Variants in EHMT1 observed in about 807,000 individuals in gnomAD.
EHMT1 encodes histone-lysine N-methyltransferase EHMT1.
In EHMT1, 15 loss-of-function variants were observed where a neutral mutation model predicts 147.2. That is an observed-to-expected ratio of 0.10 (90% confidence interval 0.07 to 0.16). EHMT1 has a LOEUF of 0.16. Among genes scored for constraint, EHMT1 ranks in the 10% least tolerant of loss-of-function variants. The pLI is 1.00. For missense variants in EHMT1, 1,587 were observed against 1,772.4 expected (o/e 0.90, Z 1.88); for synonymous variants, 795 against 709.6 (o/e 1.12, Z -1.91).
intron 14 of EHMT1, among the ~76,000 whole-genome samples, chr9:137,780,131 T>C (rs2136778908): frequency 7.2e-6 from 1 of 139,534 alleles, no homozygotes; most frequent in Non-Finnish European, 1.5e-5. Flanking sequence ...GTGATGACGC[T>C]GAGATGTGTG....
At chr9:137,657,452 C>T (rs1938583946) in intron 1 of EHMT1, among the ~76,000 whole-genome samples, 1 of 149,822 alleles carries the variant, frequency 6.7e-6, no homozygotes, top group South Asian at 2.1e-4. Context: ...GGAAGTCGGC[C>T]TCCCAGGGTG....
At chr9:137,736,908 T>C (rs1254024577) in intron 4 of EHMT1, among the ~76,000 whole-genome samples, 1 of 150,686 alleles carries the variant, frequency 6.6e-6, no homozygotes, top group East Asian at 1.9e-4. Flanking sequence ...AAGAAAAATA[T>C]ATACAGAGAT....
chr9:137,677,926 G>A (rs898402833), intron 1 of EHMT1, among the ~76,000 whole-genome samples: 1 of 149,964 alleles, frequency 6.7e-6, no homozygotes, highest in African/African-American at 2.5e-5. Context: ...AAAAAAAGCC[G>A]GGCGTGGCGG....
At chr9:137,799,188 G>C (rs890114122) in intron 17 of EHMT1, among the ~76,000 whole-genome samples, 1 of 152,154 alleles carries the variant, frequency 6.6e-6, no homozygotes, top group East Asian at 1.9e-4. Context: ...TCCACACACA[G>C]GGTTAGCTCA....
At chr9:137,677,922 A>G (rs1275160996) in intron 1 of EHMT1, among the ~76,000 whole-genome samples, 7 of 150,512 alleles carry the variant, frequency 4.7e-5, no homozygotes, top group African/African-American at 1.7e-4. Flanking sequence ...AAAAAAAAAA[A>G]GCCGGGCGTG....
chr9:137,748,369 G>A (rs981243742), intron 6 of EHMT1, among the ~76,000 whole-genome samples: 1 of 152,206 alleles, frequency 6.6e-6, no homozygotes, highest in African/African-American at 2.4e-5. Context: ...GACCATACAG[G>A]TTCCTCTGTA....
chr9:137,669,588 C>T (rs1940282527), intron 1 of EHMT1, among the ~76,000 whole-genome samples: 1 of 149,484 alleles, frequency 6.7e-6, no homozygotes, highest in Non-Finnish European at 1.5e-5. Context: ...CACTGTCTAC[C>T]CAGGGCGCAG....
Position 137,835,403 on chromosome 9 carries a change from C to T in EHMT1, c.*450C>T, listed in dbSNP as rs1588951509. ...GCGCGAGCTGCTCCGTTCGCCCTGC[C>T]CACGGCCTGCGTGGCTGGGGCCGAG... On this transcript the variant is annotated 3_prime_UTR_variant, in exon 27 of 27. Coordinates refer to ENST00000460843, the MANE Select transcript of EHMT1 (RefSeq NM_024757.5). The T allele has an allele frequency of 1.3e-5, 2 of 154,908 alleles. No individual in the cohort carries two copies. Among genetic ancestry groups the T allele is most frequent in the Non-Finnish European group, 2.9e-5 (2 of 69,854 alleles). The allele number at this position is 154,908 out of a possible 1,614,324, so 9.6% of individuals were successfully genotyped here.
intron 6 of EHMT1, among the ~76,000 whole-genome samples, chr9:137,745,146 G>GT (rs1268347198): frequency 6.6e-6 from 1 of 152,178 alleles, no homozygotes; most frequent in East Asian, 1.9e-4. Flanking sequence ...CATCCAAATA[G>GT]TGACTTACTG....
intron 6 of EHMT1, among the ~76,000 whole-genome samples, chr9:137,751,560 C>T (rs1182762715): frequency 6.6e-6 from 1 of 152,134 alleles, no homozygotes; most frequent in African/African-American, 2.4e-5. Flanking sequence ...TAGGGAGTGC[C>T]GGGCACAGGG....
At chr9:137,820,318 G>T (rs1219977735) in intron 25 of EHMT1, among the ~76,000 whole-genome samples, 2 of 152,218 alleles carry the variant, frequency 1.3e-5, no homozygotes, top group African/African-American at 2.4e-5. Context: ...GAGTTGTGAG[G>T]CTCCTCTGCT....
chr9:137,621,230 C>T (rs916708646), intron 1 of EHMT1, among the ~76,000 whole-genome samples: 8 of 152,120 alleles, frequency 5.3e-5, no homozygotes, highest in African/African-American at 9.7e-5. Flanking sequence ...GCAACTCTGG[C>T]CTTCTGGACA....
At chr9:137,757,332 C>A (rs1394293705) in intron 8 of EHMT1, among the ~76,000 whole-genome samples, 1 of 152,230 alleles carries the variant, frequency 6.6e-6, no homozygotes, top group East Asian at 1.9e-4. Context: ...CCCGTGTTTA[C>A]TGGAGTCGAC....
intron 18 of EHMT1, among the ~76,000 whole-genome samples, chr9:137,808,533 C>T (rs1422791876): frequency 6.6e-6 from 1 of 152,158 alleles, no homozygotes; most frequent in Non-Finnish European, 1.5e-5. Context: ...CCCATTGTTT[C>T]AGGAGTGCGG....
chr9:137,704,285 C>T (rs1465128750), intron 1 of EHMT1, among the ~76,000 whole-genome samples: 1 of 152,074 alleles, frequency 6.6e-6, no homozygotes. Context: ...AGCTCTGCAG[C>T]CTGTAGGGGA....
chr9:137,830,552 T>C (rs1480302764), intron 25 of EHMT1, among the ~76,000 whole-genome samples: 2 of 152,242 alleles, frequency 1.3e-5, no homozygotes, highest in African/African-American at 4.8e-5. Context: ...GTTTCTAAAA[T>C]CTTTAGTTTC....
Position 137,776,796 on chromosome 9 carries a change from A to G in EHMT1, c.1970A>G (p.Gln657Arg). 2 of 1,614,050 alleles carry G rather than the reference A, an allele frequency of 1.2e-6. No individual in the cohort carries two copies. Among genetic ancestry groups the G allele is most frequent in the Non-Finnish European group, 1.7e-6 (2 of 1,180,014 alleles). The change falls in exon 12 of 27, where the codon CAG (glutamine) becomes CGG (arginine). Residue 657 changes from glutamine to arginine, a missense_variant. Gln to Arg is a conservative substitution (Grantham distance 43, BLOSUM62 1). Coordinates refer to ENST00000460843, the MANE Select transcript of EHMT1 (RefSeq NM_024757.5). This position sits in a 1 kb window ranked among gnomAD's most constrained non-coding sequence, Gnocchi z 4.4. ...TCGACCGTGACACCAGTCCCCGGGC[A>G]GGAGAAGGGCTCGGCCCTGGAGGGC... ...TTSTVTPVPG[Q>R]EKGSALEGRA...
chr9:137,640,786 T>A (rs1844427594), intron 1 of EHMT1, among the ~76,000 whole-genome samples: 1 of 152,308 alleles, frequency 6.6e-6, no homozygotes, highest in South Asian at 2.1e-4. Flanking sequence ...TAGGAAGGGA[T>A]AAAAATGAGT....
rs1471835355 is a variant in EHMT1, at chr9:137,812,861, AT to A, written c.2868-143del. On this transcript the variant is annotated intron_variant, in intron 19 of 26. Coordinates refer to ENST00000460843, the MANE Select transcript of EHMT1 (RefSeq NM_024757.5). ...AGCTAAAGCCCGTCTTTGCAGAGTC[AT>A]TGCTGAGCAGACTTGTTCAAGTTAT... is the stretch of plus-strand genomic sequence containing the variant. 5.3e-6 allele frequency: 6 copies of A among 1,135,582 alleles called. No individual in the cohort carries two copies. In the East Asian group the frequency reaches 1.5e-4, roughly 27 times the overall value. 70.3% of individuals were successfully genotyped at this position (1,135,582 alleles called of 1,614,324 possible). A position where few individuals can be genotyped will look rare whatever the true frequency, so the allele number is the denominator to read the frequency against.
Sources: gnomAD v4.1 joint callset for allele counts (sites outside exome capture counted in the v4.1 genomes callset) on GRCh38, gnomAD v4.1.1 for gene constraint, Gnocchi (gnomAD v3.1) non-coding constraint, MANE v1.5 for transcripts, NCBI Gene and HGNC (gene_info 2026-07-23, HGNC 2026-07-21) for gene names.